The following ZNF329 variants were observed in gnomAD, a reference collection of about 807,000 sequenced individuals.
ZNF329 encodes zinc finger protein 329.
Under a neutral mutation model 26.6 loss-of-function variants are expected in ZNF329, and 15 were observed. The observed-to-expected ratio is 0.56, with a 90% CI of 0.38 to 0.87. ZNF329 has a LOEUF of 0.87. ZNF329 is among the 40% of genes least tolerant of loss of function. The pLI is 0.00. For synonymous variants in ZNF329, 239 were observed against 233.5 expected (o/e 1.02, Z -0.21); for missense variants, 651 against 651.9 (o/e 1.00, Z 0.02).
At chr19:58,145,968 A>T (rs1389140205) in intron 1 of ZNF329, among the ~76,000 whole-genome samples, 1 of 151,184 alleles carries the variant, frequency 6.6e-6, no homozygotes, top group Non-Finnish European at 1.5e-5. Flanking sequence ...CACAACCACC[A>T]GCTGGGTCTT....
intron 3 of ZNF329, chr19:58,132,795 G>A (rs1357350055): frequency 8.6e-5 from 12 of 138,776 alleles, no homozygotes; most frequent in Admixed American, 3.9e-4. Flanking sequence ...CCATACCTAC[G>A]TAGATAGATG....
chr19:58,147,745 A>G (rs2075357010), intron 1 of ZNF329, among the ~76,000 whole-genome samples: 1 of 134,096 alleles, frequency 7.5e-6, no homozygotes, highest in Non-Finnish European at 1.6e-5. Flanking sequence ...CTGCCCGGCC[A>G]GCCGCCCCGT....
At chr19:58,136,881 G>A in intron 3 of ZNF329, 1 of 176,284 alleles carries the variant, frequency 5.7e-6, no homozygotes, top group Middle Eastern at 5.9e-4. Context: ...AACGCATGGT[G>A]CCCTCAGAAT....
Position 58,129,801 on chromosome 19 carries a change from C to T in ZNF329, c.-8-290G>A, listed in dbSNP as rs185209061. Among the ~76,000 whole-genome samples the T allele has an allele frequency of 1.4e-4, 21 of 152,288 alleles. No individual in the cohort carries two copies. The East Asian group carries it at 3.9e-3, about 28-fold the overall frequency. ...GTTTGAGATGTGAGAGACCAGAGGC[C>T]AAGCATCCCTGCTCCCCCTAGAATT... is the stretch of plus-strand genomic sequence containing the variant. On this transcript the variant is annotated intron_variant, in intron 3 of 3. Coordinates refer to ENST00000598312, the MANE Select transcript of ZNF329 (RefSeq NM_024620.4).
At position 58,129,173 on chromosome 19, in the gene ZNF329, G is replaced by A; in HGVS notation, c.331C>T (p.Pro111Ser). 1 of 1,614,098 alleles carries A rather than the reference G, an allele frequency of 6.2e-7. No homozygotes were observed. The highest frequency in any genetic ancestry group is 8.5e-7 in the Non-Finnish European group (1 of 1,180,032). ...LDCDPALPSY[P>S]KSYADKRTGD... ...GTTCTCTTATCTGCATAACTTTTAG[G>A]ATAGCTGGGTAAGGCGGGGTCACAA... Residue 111 changes from proline to serine, a missense_variant, in exon 4 of 4, where the codon CCT becomes TCT. Physicochemically the swap from Pro to Ser is moderately conservative, Grantham distance 74. Coordinates refer to ENST00000598312, the MANE Select transcript of ZNF329 (RefSeq NM_024620.4).
rs2075292547 is a variant in ZNF329 at position 58,145,692 on chromosome 19, A to G, written c.-207-2494T>C. Among the ~76,000 whole-genome samples, 5 of 152,340 alleles carry G rather than the reference A, an allele frequency of 3.3e-5. No individual in the cohort carries two copies. In the South Asian group the frequency reaches 1.0e-3, roughly 32 times the overall value. ...ATTTGAAACATCTTACTATATCAAA[A>G]TGAGTAATACACCATGAACATAAGA... On this transcript the variant is annotated intron_variant, in intron 1 of 3. Coordinates refer to ENST00000598312, the MANE Select transcript of ZNF329 (RefSeq NM_024620.4).
upstream of ZNF329, among the ~76,000 whole-genome samples, chr19:58,151,136 A>G (rs974302692): frequency 6.6e-6 from 1 of 152,242 alleles, no homozygotes; most frequent in Non-Finnish European, 1.5e-5. Context: ...CACGCCTGTA[A>G]TCCCAGCATT....
intron 3 of ZNF329, among the ~76,000 whole-genome samples, chr19:58,140,094 T>C (rs1383667503): frequency 2.6e-5 from 4 of 152,134 alleles, no homozygotes; most frequent in Non-Finnish European, 5.9e-5. Context: ...GTGGTGGTGC[T>C]GGGGCATGCA....
At chr19:58,141,017 CTGGCT>C (rs2075173660) in intron 3 of ZNF329, among the ~76,000 whole-genome samples, 1 of 151,348 alleles carries the variant, frequency 6.6e-6, no homozygotes, top group South Asian at 2.1e-4. Flanking sequence ...GCCCCCATGC[CTGGCT>C]AATTTTTCTA....
upstream of ZNF329, among the ~76,000 whole-genome samples, chr19:58,152,641 T>C (rs2075477943): frequency 6.6e-6 from 1 of 152,068 alleles, no homozygotes; most frequent in Non-Finnish European, 1.5e-5. Flanking sequence ...GTGGATCACT[T>C]GAGGTCAGGA....
In ZNF329 at chr19:58,128,543, C is replaced by A; in HGVS notation, c.961G>T (p.Gly321Trp). The change falls in exon 4 of 4, where the codon GGG (glycine) becomes TGG (tryptophan). Residue 321 changes from glycine (G) to tryptophan (W), a missense_variant. Gly to Trp is a radical substitution (Grantham distance 184). Transcript: ENST00000598312. ...GEKPYRCNEC[G>W]KPFTDISHLT... ...TGGGAGATGTCAGTGAAGGGTTTCC[C>A]ACATTCGTTACATCTATATGGTTTT... is the stretch of plus-strand genomic sequence containing the variant. 6.2e-7 allele frequency: 1 copy of A among 1,614,120 alleles called. No homozygotes were observed. The highest frequency in any genetic ancestry group is 8.5e-7 in the Non-Finnish European group (1 of 1,180,008).
Position 58,128,784 on chromosome 19 carries a change from G to A in ZNF329, c.720C>T (p.Phe240=), listed in dbSNP as rs1282189498. 3.7e-6 allele frequency: 6 copies of A among 1,600,638 alleles called. No homozygotes were observed. In the East Asian group the frequency reaches 6.7e-5, roughly 18 times the overall value. Residue 240 remains phenylalanine, a synonymous_variant, in exon 4 of 4, where the codon TTC becomes TTT. Coordinates refer to ENST00000598312, the MANE Select transcript of ZNF329 (RefSeq NM_024620.4). ...GCACAATCAGGTTGTAGTTCTTGGA[G>A]AAGGACTTTCCACACTCATTACAAG... is the stretch of plus-strand genomic sequence containing the variant. The part of the protein sequence containing the change: ...PYTCNECGKS[F]SKNYNLIVHQ...
In ZNF329 at chr19:58,128,236, C is replaced by G; in HGVS notation, c.1268G>C (p.Gly423Ala). ...YLIRHQRIHT[G>A]EKPYGCNQCQ... is the part of the protein sequence containing the mutation. ...CTGGTTGCAGCCATAGGGCTTCTCGCCAGTATGAATCCTCTGATGCCTGAT... is the reference window on the plus strand; with the variant it reads ...CTGGTTGCAGCCATAGGGCTTCTCGGCAGTATGAATCCTCTGATGCCTGAT... The change falls in exon 4 of 4, where the codon GGC becomes GCC. Residue 423 changes from glycine to alanine, a missense_variant. Gly to Ala is a moderately conservative substitution (Grantham distance 60). Transcript: ENST00000598312. 1 of 1,595,744 alleles carries G rather than the reference C, an allele frequency of 6.3e-7. No homozygotes were observed. The highest frequency in any genetic ancestry group is 8.5e-7 in the Non-Finnish European group (1 of 1,171,008).
At chr19:58,131,140 T>TGC (rs2074933808) in intron 3 of ZNF329, among the ~76,000 whole-genome samples, 1 of 151,542 alleles carries the variant, frequency 6.6e-6, no homozygotes, top group African/African-American at 2.4e-5. Context: ...TGTGTGTGTG[T>TGC]GCGCGTGTAT....
intron 1 of ZNF329, among the ~76,000 whole-genome samples, chr19:58,148,104 G>A (rs987552673): frequency 1.3e-5 from 2 of 151,872 alleles, no homozygotes; most frequent in African/African-American, 2.4e-5. Context: ...CCAACCCTGT[G>A]CTCTCTGAAA....
chr19:58,128,310 G>A lies in ZNF329; in HGVS notation c.1194C>T (p.Pro398=), dbSNP rs375089625. 127 of 1,613,742 alleles carry A rather than the reference G, an allele frequency of 7.9e-5. No homozygotes were observed. Among genetic ancestry groups the A allele is most frequent in the South Asian group, 2.6e-4 (24 of 91,046 alleles). Residue 398 remains proline, a synonymous_variant, in exon 4 of 4, where the codon CCC becomes CCT. Coordinates refer to ENST00000598312, the MANE Select transcript of ZNF329 (RefSeq NM_024620.4). ...VHQKIHSGEK[P]YECKECGKTF... The stretch of plus-strand genomic sequence containing the variant: ...TCTTGCCACATTCTTTACATTCATA[G>A]GGTTTCTCCCCAGAATGGATCTTTT...
intron 1 of ZNF329, among the ~76,000 whole-genome samples, chr19:58,149,228 T>C (rs537533314): frequency 6.6e-6 from 1 of 152,340 alleles, no homozygotes; most frequent in African/African-American, 2.4e-5. Context: ...AATCCACCCC[T>C]TGTTTAGCAT....
intron 3 of ZNF329, among the ~76,000 whole-genome samples, chr19:58,137,564 A>AG (rs1278108770): frequency 6.6e-6 from 1 of 151,906 alleles, no homozygotes; most frequent in Non-Finnish European, 1.5e-5. Flanking sequence ...GGGAAAAAAA[A>AG]AATCGCAGCA....
chr19:58,143,860 C>G (rs2075239562), intron 1 of ZNF329, among the ~76,000 whole-genome samples: 2 of 152,028 alleles, frequency 1.3e-5, no homozygotes, highest in African/African-American at 4.8e-5. Context: ...GCAAGTGGAT[C>G]ACCCGAGGTC....
Sources: allele counts gnomAD v4.1 joint callset (sites outside exome capture counted in the v4.1 genomes callset), GRCh38; gene constraint gnomAD v4.1.1; transcripts MANE v1.5; gene names NCBI Gene and HGNC (gene_info 2026-07-23, HGNC 2026-07-21).